PADI3: variants seen among roughly 807,000 people sequenced by gnomAD.
PADI3 encodes peptidyl arginine deiminase 3, also known as protein-arginine deiminase type-3.
In PADI3, 53 loss-of-function variants were observed where a neutral mutation model predicts 71.5. That is an observed-to-expected ratio of 0.74 (90% confidence interval 0.59 to 0.93). The LOEUF is 0.93. PADI3 is among the 40% of genes least tolerant of loss of function. The pLI is 0.00. For synonymous variants in PADI3, 361 were observed against 347.5 expected (o/e 1.04, Z -0.43); for missense variants, 821 against 868.0 (o/e 0.95, Z 0.68).
chr1:17,267,610 G>A (rs1350552440), intron 5 of PADI3, among the ~76,000 whole-genome samples: 10 of 151,780 alleles, frequency 6.6e-5, no homozygotes. Flanking sequence ...GACACCAGCT[G>A]GCTATGCCAC....
At chr1:17,278,951 C>A (rs2073367532) in intron 13 of PADI3, among the ~76,000 whole-genome samples, 1 of 152,196 alleles carries the variant, frequency 6.6e-6, no homozygotes, top group Non-Finnish European at 1.5e-5. Flanking sequence ...AATAGTCTTT[C>A]TTGACCCTGT....
rs1256036828 is a variant in PADI3, at chr1:17,270,371, T to G, written c.791T>G (p.Leu264Arg). ...LSFPDAGFTG[L>R]ISFHVTLLDD... ...TTCCCTGATGCCGGCTTCACAGGAC[T>G]CATCTCCTTCCATGTCACTCTGCTG... The change falls in exon 7 of 16, where the codon CTC (leucine) becomes CGC (arginine). Residue 264 changes from leucine (L) to arginine (R), a missense_variant. Transcript: ENST00000375460. 1 of 1,613,562 alleles carries G rather than the reference T, an allele frequency of 6.2e-7. No individual in the cohort carries two copies. Among genetic ancestry groups the G allele is most frequent in the African/African-American group, 1.3e-5 (1 of 74,772 alleles).
At chr1:17,263,730 A>G (rs771507909) in intron 3 of PADI3, among the ~76,000 whole-genome samples, 2 of 152,244 alleles carry the variant, frequency 1.3e-5, no homozygotes, top group Non-Finnish European at 1.5e-5. Context: ...TCTGCAATGC[A>G]TACGGCTGAC....
At chr1:17,251,205 G>A (rs149340259) in intron 1 of PADI3, among the ~76,000 whole-genome samples, 1 of 152,374 alleles carries the variant, frequency 6.6e-6, no homozygotes, top group Non-Finnish European at 1.5e-5. Context: ...GAAGCCAGCA[G>A]AGGCTGGACA....
chr1:17,272,064 G>A lies in PADI3; in HGVS notation c.1047+886G>A, dbSNP rs548749253. On this transcript the variant is annotated intron_variant, in intron 9 of 15. Transcript: ENST00000375460. ...CCCCATTTTCTGCAGGCCAGGCATA[G>A]CATCATTTCATCTTCTTGATAACCC... Among the ~76,000 whole-genome samples the A allele has an allele frequency of 2.6e-5, 4 of 152,240 alleles. No individual in the cohort carries two copies. The East Asian group carries it at 5.8e-4, about 22-fold the overall frequency.
At chr1:17,251,396 C>G (rs1235546313) in intron 1 of PADI3, among the ~76,000 whole-genome samples, 1 of 152,186 alleles carries the variant, frequency 6.6e-6, no homozygotes, top group African/African-American at 2.4e-5. Flanking sequence ...TCTGCAACTT[C>G]CCAGCTCTCT....
At chr1:17,280,868 C>G (rs1404403015) in intron 15 of PADI3, 72 bp downstream of exon 15, 1 of 1,566,008 alleles carries the variant, frequency 6.4e-7, no homozygotes, top group Non-Finnish European at 8.7e-7. Flanking sequence ...GGAAAAATGT[C>G]TGGTCACAGT....
intron 1 of PADI3, among the ~76,000 whole-genome samples, chr1:17,254,743 G>C (rs1405039786): frequency 6.9e-6 from 1 of 144,350 alleles, no homozygotes; most frequent in Middle Eastern, 3.3e-3. Flanking sequence ...TTGAGATGGA[G>C]TTTTGCTCTT....
chr1:17,282,446 G>A (rs2073413563), intron 15 of PADI3, among the ~76,000 whole-genome samples: 1 of 152,294 alleles, frequency 6.6e-6, no homozygotes, highest in South Asian at 2.1e-4. Context: ...GACACGGGCA[G>A]AGACCAACTA....
Position 17,249,120 on chromosome 1 carries a change from G to A in PADI3, c.-18G>A, listed in dbSNP as rs769760875. ...GGCAGTGTTGGGGTTGGCGGCCACA[G>A]CTAAGTCCAACACCAGCATGTCGCT... On this transcript the variant is annotated 5_prime_UTR_variant, in exon 1 of 16. Transcript: ENST00000375460. The A allele has an allele frequency of 4.3e-6, 7 of 1,612,314 alleles. No homozygotes were observed. The Admixed American group carries it at 1.2e-4, about 27-fold the overall frequency.
rs146338253 is a variant in PADI3, at chr1:17,280,690, G to T, written c.1655G>T (p.Arg552Leu). 49 of 1,614,046 alleles carry T rather than the reference G, an allele frequency of 3.0e-5. No homozygotes were observed. The African/African-American group carries it at 6.0e-4, about 20-fold the overall frequency. Residue 552 changes from arginine to leucine, a missense_variant, in exon 15 of 16, where the codon CGT becomes CTT. By Grantham distance (102) the Arg-to-Leu change is moderately radical (BLOSUM62 -2). Transcript: ENST00000375460. ...CCCCAGAGCTGCATCGACTGGAACC[G>T]TGAGGTGCTGAAGCGGGAGCTGGGC... ...KFVQSCIDWN[R>L]EVLKRELGLA...
chr1:17,255,295 C>A (rs937695350), intron 1 of PADI3, among the ~76,000 whole-genome samples: 1 of 152,198 alleles, frequency 6.6e-6, no homozygotes, highest in African/African-American at 2.4e-5. Context: ...CACATTTTAC[C>A]CCCAACTCAC....
Position 17,276,802 on chromosome 1 carries a change from G to C in PADI3, c.1481G>C (p.Gly494Ala), listed in dbSNP as rs2073339152. ...TTCCGGATGCTCCTGGCCAGCCCTG[G>C]GGCCTGCTTCAAGCTCTTCCAGGAA... ...KGFRMLLASPGACFKLFQEKQ... is the reference protein window; with the variant it reads ...KGFRMLLASPAACFKLFQEKQ... The change falls in exon 13 of 16, where the codon GGG becomes GCG. Residue 494 changes from glycine (G) to alanine (A), a missense_variant. Coordinates refer to ENST00000375460, the MANE Select transcript of PADI3 (RefSeq NM_016233.2). The C allele has an allele frequency of 1.2e-6, 2 of 1,613,622 alleles. No individual in the cohort carries two copies. The highest frequency in any genetic ancestry group is 1.1e-5 in the South Asian group (1 of 90,966).
intron 9 of PADI3, among the ~76,000 whole-genome samples, chr1:17,271,487 G>A (rs114518944): frequency 2.9e-3 from 435 of 152,296 alleles, no homozygotes; most frequent in African/African-American, 0.01. Context: ...ATCAAGAGGC[G>A]ATGTGTCCCC....
intron 2 of PADI3, among the ~76,000 whole-genome samples, chr1:17,260,380 C>T (rs2073088392): frequency 6.6e-6 from 1 of 152,080 alleles, no homozygotes; most frequent in Non-Finnish European, 1.5e-5. Flanking sequence ...CTGATAGGGA[C>T]CAGGACTTGG....
chr1:17,271,848 AAAAAAAAG>A (rs1016803429), intron 9 of PADI3, among the ~76,000 whole-genome samples: 1 of 146,854 alleles, frequency 6.8e-6, no homozygotes, highest in African/African-American at 2.5e-5. Flanking sequence ...AAAAAAAAAA[AAAAAAAAG>A]AGAGAGAGAG....
intron 15 of PADI3, among the ~76,000 whole-genome samples, chr1:17,281,697 C>T (rs1472602517): frequency 2.0e-5 from 3 of 152,224 alleles, no homozygotes; most frequent in Admixed American, 6.5e-5. Flanking sequence ...CGGTGATCCA[C>T]CAGCCTCGGC....
chr1:17,269,705 C>T (rs1031088514), intron 6 of PADI3, among the ~76,000 whole-genome samples: 1 of 151,978 alleles, frequency 6.6e-6, no homozygotes, highest in Non-Finnish European at 1.5e-5. Context: ...GCAACCTCCG[C>T]CTCCTGGGTT....
Position 17,276,531 on chromosome 1 carries a change from C to G in PADI3, c.1320C>G (p.Arg440=). ...TCGTGGGTCCCAGGTCAAGTGGCCG[C>G]AGGGTCACCCAGGTGGTGCGGGACT... is the stretch of plus-strand genomic sequence containing the variant. ...IGGNLPGSSG[R]RVTQVVRDFL... The change falls in exon 12 of 16, where the codon CGC becomes CGG. Residue 440 remains arginine, a synonymous_variant. Transcript: ENST00000375460. 1.2e-6 allele frequency: 2 copies of G among 1,614,088 alleles called. No homozygotes were observed. Among genetic ancestry groups the G allele is most frequent in the Non-Finnish European group, 1.7e-6 (2 of 1,180,032 alleles).
Sources: allele counts gnomAD v4.1 joint callset (sites outside exome capture counted in the v4.1 genomes callset), GRCh38; gene constraint gnomAD v4.1.1; transcripts MANE v1.5; gene names NCBI Gene and HGNC (gene_info 2026-07-23, HGNC 2026-07-21).